The following RAPH1 variants were observed in gnomAD, a reference collection of about 807,000 sequenced individuals.
RAPH1 encodes Ras association (RalGDS/AF-6) and pleckstrin homology domains 1, also known as ras-associated and pleckstrin homology domains-containing protein 1.
In RAPH1, 18 loss-of-function variants were observed where a neutral mutation model predicts 88.1. The observed-to-expected ratio is 0.20, with a 90% CI of 0.14 to 0.30. RAPH1 has a LOEUF of 0.30. Ranked by LOEUF, RAPH1 falls within the 10% of genes least tolerant of loss-of-function variation. RAPH1 has a pLI of 1.00. For synonymous variants in RAPH1, 587 were observed against 559.0 expected, an observed-to-expected ratio of 1.05 and a Z score of -0.71; for missense variants, 1,448 against 1,543.2, an observed-to-expected ratio of 0.94 and a Z score of 1.03.
chr2:203,446,657 T>C (rs1372363104), intron 12 of RAPH1: 13 of 152,202 alleles, frequency 8.5e-5, no homozygotes, highest in African/African-American at 3.1e-4. Flanking sequence ...TCCTATACTA[T>C]ATTACTTATT....
intron 10 of RAPH1, among the ~76,000 whole-genome samples, chr2:203,450,463 A>T (rs1351331444): frequency 6.6e-6 from 1 of 152,230 alleles, no homozygotes; most frequent in Non-Finnish European, 1.5e-5. Context: ...CATTATAATA[A>T]ACCATAATAG....
chr2:203,506,780 CTAGATATATATATCTATATATATATCTA>C (rs1689044773), intron 1 of RAPH1, among the ~76,000 whole-genome samples: 2 of 77,700 alleles, frequency 2.6e-5, no homozygotes, highest in African/African-American at 1.4e-4. Flanking sequence ...CTATATATAT[CTAGATATATATATCTATATATATATCTA>C]TATCTATATA....
At chr2:203,528,528 T>G (rs1690230370) in intron 1 of RAPH1, among the ~76,000 whole-genome samples, 1 of 149,894 alleles carries the variant, frequency 6.7e-6, no homozygotes, top group Non-Finnish European at 1.5e-5. Flanking sequence ...GAAGAGGCAC[T>G]TCTTCTTTTT....
At chr2:203,457,876 C>A (rs1398046142) in intron 7 of RAPH1, among the ~76,000 whole-genome samples, 2 of 152,124 alleles carry the variant, frequency 1.3e-5, no homozygotes, top group Non-Finnish European at 2.9e-5. Context: ...CAACAGCTGG[C>A]AAATATGTTT....
chr2:203,470,909 T>C (rs531292321), intron 4 of RAPH1, among the ~76,000 whole-genome samples: 46 of 152,346 alleles, frequency 3.0e-4, no homozygotes, highest in African/African-American at 9.9e-4. Context: ...AATAGGAGTA[T>C]ACTGCACAGT....
chr2:203,460,680 A>C (rs1317068135), intron 6 of RAPH1, among the ~76,000 whole-genome samples: 1 of 152,098 alleles, frequency 6.6e-6, no homozygotes. Context: ...CTATTTTGTT[A>C]CCTTTTAAAA....
At position 203,448,724 on chromosome 2, in the gene RAPH1, A is replaced by C. The variant is rs1409553013; in HGVS notation, c.1512+14T>G. The C allele has an allele frequency of 1.9e-6, 3 of 1,546,666 alleles. No homozygotes were observed. Among genetic ancestry groups the C allele is most frequent in the Non-Finnish European group, 2.6e-6 (3 of 1,132,834 alleles). ...CACCTCATTATTCCATCATCAAATCAAAAGGAGACATGCCTTTGCAATGCG... is the reference window on the plus strand; with the variant it reads ...CACCTCATTATTCCATCATCAAATCCAAAGGAGACATGCCTTTGCAATGCG... On this transcript the variant is annotated intron_variant, in intron 11 of 13. Transcript: ENST00000319170. The surrounding 1 kb of genome is among the most constrained non-coding windows in gnomAD (Gnocchi z 4.1).
chr2:203,521,343 T>A (rs1689858503), intron 1 of RAPH1, among the ~76,000 whole-genome samples: 4 of 152,090 alleles, frequency 2.6e-5, no homozygotes. Flanking sequence ...CATGAGCCAC[T>A]GCACCCAGCC....
chr2:203,509,603 A>C (rs1689245487), intron 1 of RAPH1, among the ~76,000 whole-genome samples: 1 of 152,334 alleles, frequency 6.6e-6, no homozygotes, highest in East Asian at 1.9e-4. Context: ...ATTCATTAAC[A>C]TATTTCCTGA....
rs2098520754 is a variant in RAPH1, at chr2:203,457,581, C to T, written c.1107G>A (p.Gly369=). 6.2e-7 allele frequency: 1 copy of T among 1,610,826 alleles called. No individual in the cohort carries two copies. The highest frequency in any genetic ancestry group is 8.5e-7 in the Non-Finnish European group (1 of 1,177,180). Reference sequence around the variant, plus strand: ...CTGCCATCTCAGCTGTTTCTTTTTTCCCCAAAAGATAATTCTGGAAAAACA... The same window carrying T: ...CTGCCATCTCAGCTGTTTCTTTTTTTCCCAAAAGATAATTCTGGAAAAACA... The part of the protein sequence containing the change: ...LFKNPQNYLL[G]KKETAEMADR... The change falls in exon 8 of 14, where the codon GGG becomes GGA. Residue 369 remains glycine, a synonymous_variant. Transcript: ENST00000319170.
In RAPH1 at chr2:203,435,663, T is replaced by C. The variant is rs1186885503; in HGVS notation, c.*3774A>G. 1 of 152,168 alleles carries C rather than the reference T, an allele frequency of 6.6e-6. No individual in the cohort carries two copies. The highest frequency in any genetic ancestry group is 1.5e-5 in the Non-Finnish European group (1 of 68,026). 9.4% of individuals were successfully genotyped at this position (152,168 alleles called of 1,614,324 possible). A position where few individuals can be genotyped will look rare whatever the true frequency, so the allele number is the denominator to read the frequency against. ...ACATTGATAACCATACAGGATCCTA[T>C]GGGTTTAACTGGTCTAAACTTGAGT... On this transcript the variant is annotated 3_prime_UTR_variant, in exon 14 of 14. Transcript: ENST00000319170.
intron 13 of RAPH1, chr2:203,444,040 G>GGGAAGGAAGGGAGAGAA (rs1419036501): frequency 7.0e-6 from 1 of 141,846 alleles, no homozygotes; most frequent in East Asian, 2.1e-4. Flanking sequence ...AGGAAAGGAA[G>GGGAAGGAAGGGAGAGAA]GGAAGGAAGG....
chr2:203,486,228 T>C (rs554188715), intron 4 of RAPH1, among the ~76,000 whole-genome samples: 279 of 152,254 alleles, frequency 1.8e-3, no homozygotes, highest in African/African-American at 6.5e-3. Flanking sequence ...GATCACCATA[T>C]AGAAAATTAA....
intron 4 of RAPH1, among the ~76,000 whole-genome samples, chr2:203,485,292 T>A (rs1387118893): frequency 2.0e-5 from 3 of 151,412 alleles, no homozygotes; most frequent in Non-Finnish European, 2.9e-5. Context: ...GTGCTTGTAA[T>A]CCCTGCTACT....
intron 1 of RAPH1, among the ~76,000 whole-genome samples, chr2:203,503,746 G>A (rs1163103150): frequency 2.0e-5 from 3 of 152,150 alleles, no homozygotes; most frequent in Non-Finnish European, 2.9e-5. Flanking sequence ...AGTCCCTTCT[G>A]CCTATGAGCC....
chr2:203,457,438 C>G lies in RAPH1; in HGVS notation c.1158+92G>C, dbSNP rs1274719095. 1.2e-5 allele frequency: 12 copies of G among 963,980 alleles called. No individual in the cohort carries two copies. The Admixed American group carries it at 1.9e-4, about 15-fold the overall frequency. The allele number at this position is 963,980 out of a possible 1,614,324, so 59.7% of individuals were successfully genotyped here. ...TGATCTTGTGATTCACTCACCTCAG[C>G]CTCCCGAAGTGTTGGGATTGCAGGC... On this transcript the variant is annotated intron_variant, in intron 8 of 13. Coordinates refer to ENST00000319170, the MANE Select transcript of RAPH1 (RefSeq NM_213589.3).
chr2:203,492,729 A>G (rs1293742842), intron 2 of RAPH1, among the ~76,000 whole-genome samples: 1 of 152,194 alleles, frequency 6.6e-6, no homozygotes, highest in Non-Finnish European at 1.5e-5. Context: ...AACAAGCTTC[A>G]AATTTTAAAA....
At chr2:203,525,225 G>A (rs1055773782) in intron 1 of RAPH1, among the ~76,000 whole-genome samples, 6 of 152,064 alleles carry the variant, frequency 3.9e-5, no homozygotes, top group South Asian at 2.1e-4. Context: ...TCGCTCTGTC[G>A]CCCAGGCTGG....
chr2:203,466,790 C>T (rs2098528837), intron 4 of RAPH1, among the ~76,000 whole-genome samples: 1 of 152,192 alleles, frequency 6.6e-6, no homozygotes, highest in Non-Finnish European at 1.5e-5. Context: ...CCACCAATGC[C>T]AAGCCTCCTC....
Sources: gnomAD v4.1 joint callset for allele counts (sites outside exome capture counted in the v4.1 genomes callset) on GRCh38, gnomAD v4.1.1 for gene constraint, Gnocchi (gnomAD v3.1) non-coding constraint, MANE v1.5 for transcripts, NCBI Gene and HGNC (gene_info 2026-07-23, HGNC 2026-07-21) for gene names.